CASZ1: variants seen among roughly 807,000 people sequenced by gnomAD.
The protein encoded by CASZ1 is castor zinc finger 1, also known as zinc finger protein castor homolog 1.
A neutral mutation model predicts 135.2 loss-of-function variants in CASZ1; 28 were observed. The ratio of observed to expected loss-of-function variants is 0.21; its 90% CI spans 0.15 to 0.28. CASZ1 has a LOEUF of 0.28. Among genes scored for constraint, CASZ1 ranks in the 10% least tolerant of loss-of-function variants. CASZ1 has a pLI of 1.00. For missense variants in CASZ1, 2,161 were observed against 2,453.3 expected, an observed-to-expected ratio of 0.88 and a Z score of 2.52; for synonymous variants, 1,068 against 1,073.4, an observed-to-expected ratio of 0.99 and a Z score of 0.10.
chr1:10,782,505 C>T (rs914859523), intron 1 of CASZ1, among the ~76,000 whole-genome samples: 1 of 152,240 alleles, frequency 6.6e-6, no homozygotes, highest in Non-Finnish European at 1.5e-5. Flanking sequence ...CGGCATGAGC[C>T]ACCGACTCCC....
intron 1 of CASZ1, among the ~76,000 whole-genome samples, chr1:10,764,172 C>CT (rs1362435246): frequency 1.3e-5 from 2 of 152,186 alleles, no homozygotes; most frequent in Non-Finnish European, 2.9e-5. Flanking sequence ...CCTGTTGGCT[C>CT]TTTTTTGTGC....
At chr1:10,723,387 C>T (rs1639539630) in intron 2 of CASZ1, among the ~76,000 whole-genome samples, 1 of 152,218 alleles carries the variant, frequency 6.6e-6, no homozygotes, top group Non-Finnish European at 1.5e-5. Flanking sequence ...CTCACTGTGC[C>T]ATGATTTAGA....
intron 11 of CASZ1, chr1:10,652,649 A>G (rs538295673): frequency 6.6e-6 from 1 of 152,376 alleles, no homozygotes; most frequent in South Asian, 2.1e-4. Flanking sequence ...AGGAAAGAGA[A>G]CTGCGCCCCT....
intron 2 of CASZ1, among the ~76,000 whole-genome samples, chr1:10,744,067 C>T (rs948310372): frequency 5.3e-5 from 8 of 152,128 alleles, no homozygotes; most frequent in Admixed American, 5.2e-4. Flanking sequence ...GCACTCTCTC[C>T]CCCTTAGACT....
chr1:10,785,059 C>CTG (rs200288401), intron 1 of CASZ1, among the ~76,000 whole-genome samples: 105,735 of 137,768 alleles, frequency 0.77, 39,133 homozygotes, highest in Non-Finnish European at 0.83. Context: ...TTCTTTCTGT[C>CTG]TCTCTCTCTC....
In CASZ1 at chr1:10,647,173, A is replaced by T; in HGVS notation, c.3497+628T>A. ...CCTTCCATGCTGTGGGCCCAGCCCC[A>T]GTTGCTCAGAGAGGGAGGACAGCTG... On this transcript the variant is annotated intron_variant, in intron 16 of 20. Coordinates refer to ENST00000377022, the MANE Select transcript of CASZ1 (RefSeq NM_001079843.3). The surrounding 1 kb of genome is among the most constrained non-coding windows in gnomAD (Gnocchi z 4.9). 1.1e-6 allele frequency: 1 copy of T among 935,812 alleles called. No individual in the cohort carries two copies. The highest frequency in any genetic ancestry group is 1.3e-6 in the Non-Finnish European group (1 of 783,800). The allele number at this position is 935,812 out of a possible 1,614,324, so 58.0% of individuals were successfully genotyped here. A position where few individuals can be genotyped will look rare whatever the true frequency, so the allele number is the denominator to read the frequency against.
At position 10,759,891 on chromosome 1, in the gene CASZ1, C is replaced by T. The variant is rs1449253157; in HGVS notation, c.-77+810G>A. On this transcript the variant is annotated intron_variant, in intron 2 of 20. Coordinates refer to ENST00000377022, the MANE Select transcript of CASZ1 (RefSeq NM_001079843.3). This position sits in a 1 kb window ranked among gnomAD's most constrained non-coding sequence, Gnocchi z 4.2. ...CCCTAGACCTTGCCCGTGAACTTCG[C>T]AAACACCCAATCCCTCTGGACTGGT... is the stretch of plus-strand genomic sequence containing the variant. Among the ~76,000 whole-genome samples, 1 of 152,190 alleles carries T rather than the reference C, an allele frequency of 6.6e-6. No individual in the cohort carries two copies. Among genetic ancestry groups the T allele is most frequent in the Non-Finnish European group, 1.5e-5 (1 of 68,030 alleles).
At chr1:10,687,586 C>T (rs1638634370) in intron 4 of CASZ1, among the ~76,000 whole-genome samples, 2 of 152,246 alleles carry the variant, frequency 1.3e-5, no homozygotes, top group South Asian at 4.1e-4. Flanking sequence ...CTGGGTTTGT[C>T]TAGCTGGAGG....
chr1:10,665,011 A>G (rs1557485281), intron 5 of CASZ1, 72 bp downstream of exon 5: 1 of 1,444,632 alleles, frequency 6.9e-7, no homozygotes, highest in African/African-American at 1.4e-5. Context: ...TGTGCTTACC[A>G]GACACACTGC....
chr1:10,678,241 C>T (rs1024809082), intron 4 of CASZ1, among the ~76,000 whole-genome samples: 5 of 152,218 alleles, frequency 3.3e-5, no homozygotes, highest in South Asian at 2.1e-4. Flanking sequence ...AGGCCAGCGA[C>T]GGCGACCATG....
Position 10,639,992 on chromosome 1 carries a change from C to T in CASZ1, c.4230G>A (p.Ser1410=). The T allele has an allele frequency of 1.2e-6, 2 of 1,612,638 alleles. No individual in the cohort carries two copies. The highest frequency in any genetic ancestry group is 1.7e-6 in the Non-Finnish European group (2 of 1,180,020). Residue 1410 remains serine, a synonymous_variant, in exon 21 of 21, where the codon TCG becomes TCA. Coordinates refer to ENST00000377022, the MANE Select transcript of CASZ1 (RefSeq NM_001079843.3). This position sits in a 1 kb window ranked among gnomAD's most constrained non-coding sequence, Gnocchi z 4.0. Reference sequence around the variant, plus strand: ...CCGTCTTCCGCCGCTTGCCGAAGGGCGACATGTCCTCGATGATCCAGAAGC... The same window carrying T: ...CCGTCTTCCGCCGCTTGCCGAAGGGTGACATGTCCTCGATGATCCAGAAGC... The part of the protein sequence containing the change: ...KKRFWIIEDM[S]PFGKRRKTAS...
At position 10,656,528 on chromosome 1, in the gene CASZ1, G is replaced by A. The variant is rs921145126; in HGVS notation, c.1500+118C>T. On this transcript the variant is annotated intron_variant, in intron 8 of 20. Transcript: ENST00000377022. ...CGGGCCCTCTACCTGCTCAAGTCAA[G>A]TTTGGGTGGTGCAACTAGAACTAAC... is the stretch of plus-strand genomic sequence containing the variant. 3.1e-4 allele frequency: 233 copies of A among 745,730 alleles called. No individual in the cohort carries two copies. The African/African-American group carries it at 3.6e-3, about 12-fold the overall frequency. The allele number at this position is 745,730 out of a possible 1,614,324, so 46.2% of individuals were successfully genotyped here.
Position 10,639,311 on chromosome 1 carries a change from G to A in CASZ1, c.4911C>T (p.Ala1637=), listed in dbSNP as rs963754845. 4.2e-6 allele frequency: 6 copies of A among 1,421,652 alleles called. No homozygotes were observed. The African/African-American group carries it at 6.1e-5, about 14-fold the overall frequency. The allele number at this position is 1,421,652 out of a possible 1,614,324, so 88.1% of individuals were successfully genotyped here. ...GSLLFLQSAA[A]GLGLALGDAG... is the part of the protein sequence containing the mutation. ...CGTCGCCCAGCGCCAGGCCCAGGCC[G>A]GCGGCCGCCGACTGCAGGAAGAGCA... Residue 1637 remains alanine (A), a synonymous_variant, in exon 21 of 21, where the codon GCC becomes GCT. Transcript: ENST00000377022. The surrounding 1 kb of genome is among the most constrained non-coding windows in gnomAD (Gnocchi z 4.0).
rs115251045 is a variant in CASZ1 at position 10,649,456 on chromosome 1, G to A, written c.2881-19C>T. ...GAGACATCTGTGAGGGACAGAGGCCGAGCATGGGGCTGGGGTAGCTTAGAA... is the reference window on the plus strand; with the variant it reads ...GAGACATCTGTGAGGGACAGAGGCCAAGCATGGGGCTGGGGTAGCTTAGAA... On this transcript the variant is annotated intron_variant, in intron 13 of 20. Transcript: ENST00000377022. 2,624 of 1,595,568 alleles carry A rather than the reference G, an allele frequency of 1.6e-3. 49 individuals carry two copies. The African/African-American group carries it at 0.031, about 19-fold the overall frequency.
intron 4 of CASZ1, among the ~76,000 whole-genome samples, chr1:10,684,738 G>A (rs772909560): frequency 6.6e-6 from 1 of 152,206 alleles, no homozygotes; most frequent in Non-Finnish European, 1.5e-5. Context: ...AGTCTAACTC[G>A]CATCTGCTCC....
In CASZ1 at chr1:10,660,415, C is replaced by G; in HGVS notation, c.627G>C (p.Leu209=). 1 of 1,614,172 alleles carries G rather than the reference C, an allele frequency of 6.2e-7. No individual in the cohort carries two copies. The highest frequency in any genetic ancestry group is 8.5e-7 in the Non-Finnish European group (1 of 1,180,002). The change falls in exon 6 of 21, where the codon CTG becomes CTC. Residue 209 remains leucine, a synonymous_variant. Coordinates refer to ENST00000377022, the MANE Select transcript of CASZ1 (RefSeq NM_001079843.3). ...CTGCCTCCGGGGTGGAGCCCGCGTG[C>G]AGCTTCTCAAAGCTGATCTTCCTGG... is the stretch of plus-strand genomic sequence containing the variant. ...ELARKISFEK[L]HAGSTPEAAT... is the part of the protein sequence containing the mutation.
At chr1:10,704,216 C>T (rs1354823822) in intron 3 of CASZ1, 2 of 152,302 alleles carry the variant, frequency 1.3e-5, no homozygotes, top group East Asian at 1.9e-4. Flanking sequence ...CATGGAGGCT[C>T]GCAGCTCTGA....
rs533883259 is a variant in CASZ1 at position 10,672,401 on chromosome 1, A to G, written c.17-6830T>C. Among the ~76,000 whole-genome samples the G allele has an allele frequency of 3.2e-4, 48 of 151,746 alleles. No homozygotes were observed. In the South Asian group the frequency reaches 5.8e-3, roughly 18 times the overall value. ...CTGAATCTGCACTTTCTGGGGCCGA[A>G]AGCCTCGCTTAATTATGGCGGGTGT... On this transcript the variant is annotated intron_variant, in intron 4 of 20. Coordinates refer to ENST00000377022, the MANE Select transcript of CASZ1 (RefSeq NM_001079843.3).
At chr1:10,795,800 G>A (rs981260890) in intron 1 of CASZ1, among the ~76,000 whole-genome samples, 1 of 152,118 alleles carries the variant, frequency 6.6e-6, no homozygotes, top group Non-Finnish European at 1.5e-5. Flanking sequence ...ATGAAAAAGG[G>A]GGCGCCGCTC....
Sources: gnomAD v4.1 joint callset for allele counts (sites outside exome capture counted in the v4.1 genomes callset) on GRCh38, gnomAD v4.1.1 for gene constraint, Gnocchi (gnomAD v3.1) non-coding constraint, MANE v1.5 for transcripts, NCBI Gene and HGNC (gene_info 2026-07-23, HGNC 2026-07-21) for gene names.